The following CHODL variants were observed in gnomAD, a reference collection of about 807,000 sequenced individuals.
CHODL encodes chondrolectin, also known as transmembrane protein MT75.
Under a neutral mutation model 34.5 loss-of-function variants are expected in CHODL, and 29 were observed. The observed-to-expected ratio is 0.84, with a 90% confidence interval of 0.63 to 1.15. CHODL has a LOEUF of 1.15. Among genes scored for constraint, CHODL ranks in the 50% most tolerant of loss-of-function variants. The pLI is 0.00. For missense variants in CHODL, 332 were observed against 332.5 expected (o/e 1.00, Z 0.01); for synonymous variants, 125 against 116.1 (o/e 1.08, Z -0.49).
intron 4 of CHODL, among the ~76,000 whole-genome samples, chr21:18,261,652 C>G: frequency 6.6e-6 from 1 of 151,786 alleles, no homozygotes; most frequent in Non-Finnish European, 1.5e-5. Context: ...GGAGACAGAG[C>G]AAGACTCTGT....
intron 1 of CHODL, among the ~76,000 whole-genome samples, chr21:18,254,908 A>G (rs1469743705): frequency 1.3e-5 from 2 of 152,154 alleles, no homozygotes; most frequent in East Asian, 3.9e-4. Flanking sequence ...TGTGTTTAAG[A>G]CTTCACAGAT....
At chr21:18,196,988 G>A (rs764204123) in intron 2 of CHODL, among the ~76,000 whole-genome samples, 18 of 151,992 alleles carry the variant, frequency 1.2e-4, no homozygotes, top group African/African-American at 3.1e-4. Context: ...ACACCCGTGC[G>A]TACACACAAG....
intron 2 of CHODL, among the ~76,000 whole-genome samples, chr21:18,094,359 A>G: frequency 6.6e-6 from 1 of 152,220 alleles, no homozygotes; most frequent in Non-Finnish European, 1.5e-5. Flanking sequence ...TATAGAACAA[A>G]TTGGCCTAAG....
chr21:18,055,586 A>G (rs2146475589), intron 2 of CHODL, among the ~76,000 whole-genome samples: 1 of 152,168 alleles, frequency 6.6e-6, no homozygotes, highest in East Asian at 1.9e-4. Context: ...AAAGTATGAG[A>G]AAAACAGGGC....
intron 1 of CHODL, among the ~76,000 whole-genome samples, chr21:17,973,446 C>G (rs1037974918): frequency 7.4e-6 from 1 of 135,570 alleles, no homozygotes; most frequent in African/African-American, 2.7e-5. Context: ...GAGACAGTCT[C>G]ACTCTTGTCA....
At chr21:18,059,953 CCA>C (rs2064637166) in intron 2 of CHODL, among the ~76,000 whole-genome samples, 1 of 152,112 alleles carries the variant, frequency 6.6e-6, no homozygotes, top group Non-Finnish European at 1.5e-5. Context: ...TTTCTTCACC[CCA>C]CATTCCGTTC....
chr21:18,040,934 C>T (rs149204785), intron 2 of CHODL, among the ~76,000 whole-genome samples: 2 of 151,892 alleles, frequency 1.3e-5, no homozygotes, highest in African/African-American at 4.8e-5. Context: ...TAGTTACATG[C>T]TTTAGATCCA....
chr21:18,048,226 ATTTGTTTC>A (rs1377880192), intron 2 of CHODL, among the ~76,000 whole-genome samples: 7 of 151,940 alleles, frequency 4.6e-5, no homozygotes, highest in Non-Finnish European at 7.4e-5. Context: ...TGGCGTTCTC[ATTTGTTTC>A]CCTAAAACTT....
At chr21:18,196,621 T>A (rs958949930) in intron 2 of CHODL, among the ~76,000 whole-genome samples, 8 of 152,098 alleles carry the variant, frequency 5.3e-5, no homozygotes, top group Non-Finnish European at 1.5e-5. Context: ...TTCACTCAGT[T>A]TTTGCCCACT....
chr21:18,156,479 G>A (rs1415031846), intron 2 of CHODL, among the ~76,000 whole-genome samples: 3 of 151,864 alleles, frequency 2.0e-5, no homozygotes, highest in Admixed American at 6.6e-5. Flanking sequence ...AAAAATTAAC[G>A]TTTTAAAAAA....
chr21:18,161,709 G>A (rs1407655986), intron 2 of CHODL, among the ~76,000 whole-genome samples: 1 of 151,720 alleles, frequency 6.6e-6, no homozygotes, highest in Non-Finnish European at 1.5e-5. Context: ...ACTTTTTCGG[G>A]GAATTTTATT....
intron 2 of CHODL, among the ~76,000 whole-genome samples, chr21:18,080,176 G>A (rs1249966921): frequency 1.3e-5 from 2 of 151,876 alleles, no homozygotes; most frequent in Non-Finnish European, 2.9e-5. Flanking sequence ...CTTTTTAATT[G>A]GGTTATTTGT....
At chr21:18,055,708 G>A (rs943469879) in intron 2 of CHODL, among the ~76,000 whole-genome samples, 17 of 151,912 alleles carry the variant, frequency 1.1e-4, no homozygotes, top group African/African-American at 3.9e-4. Flanking sequence ...TTGAATTTCT[G>A]GTGTCATACC....
At chr21:17,993,031 C>T (rs1340479984) in intron 1 of CHODL, among the ~76,000 whole-genome samples, 1 of 152,058 alleles carries the variant, frequency 6.6e-6, no homozygotes, top group African/African-American at 2.4e-5. Flanking sequence ...ATTTGAACAC[C>T]TTTAATTTCC....
At chr21:17,959,739 G>A (rs184019731) in intron 1 of CHODL, among the ~76,000 whole-genome samples, 5 of 152,232 alleles carry the variant, frequency 3.3e-5, no homozygotes, top group Non-Finnish European at 7.4e-5. Context: ...TTTAGAGAAA[G>A]TAGGTCTTAT....
intron 2 of CHODL, among the ~76,000 whole-genome samples, chr21:18,066,840 AC>A (rs1340259287): frequency 6.6e-6 from 1 of 152,170 alleles, no homozygotes; most frequent in Non-Finnish European, 1.5e-5. Flanking sequence ...ACAAATAGGT[AC>A]CAGGAAAGAA....
chr21:18,206,897 T>TTATTA (rs1568937123), intron 2 of CHODL, among the ~76,000 whole-genome samples: 4 of 148,956 alleles, frequency 2.7e-5, no homozygotes, highest in African/African-American at 1.0e-4. Flanking sequence ...TATTATTATT[T>TTATTA]TATTATACTT....
intron 1 of CHODL, among the ~76,000 whole-genome samples, chr21:17,966,185 C>A (rs1201388820): frequency 1.3e-5 from 2 of 152,002 alleles, no homozygotes; most frequent in Non-Finnish European, 2.9e-5. Flanking sequence ...AGAGCCTAAT[C>A]CTAAATTAAA....
At chr21:18,009,047 T>C (rs922452184) in intron 1 of CHODL, among the ~76,000 whole-genome samples, 3 of 152,226 alleles carry the variant, frequency 2.0e-5, no homozygotes, top group African/African-American at 7.2e-5. Flanking sequence ...AGAAAAATAT[T>C]GGCAAACTAT....
Sources: gnomAD v4.1 joint callset for allele counts (sites outside exome capture counted in the v4.1 genomes callset) on GRCh38, gnomAD v4.1.1 for gene constraint, MANE v1.5 for transcripts, NCBI Gene and HGNC (gene_info 2026-07-23, HGNC 2026-07-21) for gene names.